TSC22D1: variants seen among roughly 807,000 people sequenced by gnomAD.
TSC22D1 encodes TSC22 domain family member 1.
In TSC22D1, 9 loss-of-function variants were observed where a neutral mutation model predicts 74.2. The observed-to-expected ratio is 0.12, with a 90% CI of 0.07 to 0.21. The LOEUF (loss-of-function observed/expected upper bound fraction) is 0.21, where lower values mean the gene tolerates loss of function less well. TSC22D1 is among the 10% of genes least tolerant of loss of function. The pLI is 1.00. For missense variants in TSC22D1, 1,427 were observed against 1,304.7 expected (o/e 1.09, Z -1.44); for synonymous variants, 586 against 492.5 (o/e 1.19, Z -2.51).
intron 1 of TSC22D1, among the ~76,000 whole-genome samples, chr13:44,475,755 T>C (rs1325676566): frequency 1.3e-5 from 2 of 152,200 alleles, no homozygotes; most frequent in Non-Finnish European, 2.9e-5. Context: ...TGAATAGTCC[T>C]ATATTGCCAT....
intron 1 of TSC22D1, among the ~76,000 whole-genome samples, chr13:44,503,695 TGAAACA>T (rs1879316760): frequency 6.6e-6 from 1 of 152,084 alleles, no homozygotes; most frequent in Non-Finnish European, 1.5e-5. Context: ...TAAAGACAAA[TGAAACA>T]GAAACAGAGG....
intron 1 of TSC22D1, chr13:44,538,652 T>C: frequency 1.0e-6 from 1 of 985,442 alleles, no homozygotes; most frequent in Non-Finnish European, 1.2e-6. Flanking sequence ...TATTTCATTA[T>C]TTGGGCCTTT....
rs943139836 is a variant in TSC22D1, at chr13:44,433,942, C to T, written c.*684G>A. 2 of 1,510,350 alleles carry T rather than the reference C, an allele frequency of 1.3e-6. No individual in the cohort carries two copies. Among genetic ancestry groups the T allele is most frequent in the Non-Finnish European group, 1.8e-6 (2 of 1,132,350 alleles). The allele number at this position is 1,510,350 out of a possible 1,614,324, so 93.6% of individuals were successfully genotyped here. On this transcript the variant is annotated 3_prime_UTR_variant, in exon 3 of 3. Coordinates refer to ENST00000458659, the MANE Select transcript of TSC22D1 (RefSeq NM_183422.4). ...TACAACCTAAATAGTAGTTACAGTC[C>T]TCTATTGTACAAAATAGTTACACTA... is the stretch of plus-strand genomic sequence containing the variant.
rs144495755 is a variant in TSC22D1, at chr13:44,563,002, G to C, written c.2912+10161C>G. On this transcript the variant is annotated intron_variant, in intron 1 of 2. Coordinates refer to ENST00000458659, the MANE Select transcript of TSC22D1 (RefSeq NM_183422.4). Reference sequence around the variant, plus strand: ...TTCCTGTAATCCCAGCTACTTGGGAGGCTAAGGCAGGAGAATCGATGAACC... The same window carrying C: ...TTCCTGTAATCCCAGCTACTTGGGACGCTAAGGCAGGAGAATCGATGAACC... 2.5e-4 allele frequency among the ~76,000 whole-genome samples: 38 copies of C among 152,136 alleles called. 1 individual carries two copies. In the East Asian group the frequency reaches 7.2e-3, roughly 29 times the overall value.
At chr13:44,438,633 CAAT>C (rs559315137) in intron 1 of TSC22D1, among the ~76,000 whole-genome samples, 105 of 151,938 alleles carry the variant, frequency 6.9e-4, no homozygotes, top group Non-Finnish European at 1.3e-3. Context: ...TTTTGAATAA[CAAT>C]AATTGTTAAC....
At position 44,474,552 on chromosome 13, in the gene TSC22D1, T is replaced by C. The variant is rs147642322; in HGVS notation, c.2913-38457A>G. 2.9e-3 allele frequency among the ~76,000 whole-genome samples: 440 copies of C among 152,318 alleles called. 2 individuals are homozygous for C. The highest frequency in any genetic ancestry group is 0.01 in the African/African-American group (427 of 41,576). ...AATAACATAAGACCTCTACAGATCA[T>C]TTCGTCTTGATCCCAAAATCAGGAA... On this transcript the variant is annotated intron_variant, in intron 1 of 2. Transcript: ENST00000458659.
chr13:44,573,174 G>C lies in TSC22D1; in HGVS notation c.2901C>G (p.Gly967=). ...TGACATGATCTTACCTCTCATCCTC[G>C]CCATCCACCAGGGGTGTCGTCAGCG... ...VLPLTTPLVD[G]EDESSSGASV... The change falls in exon 1 of 3, where the codon GGC becomes GGG. Residue 967 remains glycine (G), a synonymous_variant. Transcript: ENST00000458659. 2 of 1,613,610 alleles carry C rather than the reference G, an allele frequency of 1.2e-6. No homozygotes were observed. Among genetic ancestry groups the C allele is most frequent in the African/African-American group, 1.3e-5 (1 of 74,978 alleles).
intron 1 of TSC22D1, among the ~76,000 whole-genome samples, chr13:44,494,107 G>T (rs1239880842): frequency 6.6e-6 from 1 of 151,536 alleles, no homozygotes; most frequent in Non-Finnish European, 1.5e-5. Context: ...CAGGCATGGT[G>T]GCTCACACCT....
At chr13:44,533,467 TAA>T (rs111385787) in intron 1 of TSC22D1, among the ~76,000 whole-genome samples, 12 of 125,148 alleles carry the variant, frequency 9.6e-5, no homozygotes, top group Admixed American at 8.2e-5. Flanking sequence ...CAAATAAAAT[TAA>T]AAAAAAAAAA....
At position 44,575,018 on chromosome 13, in the gene TSC22D1, G is replaced by C. The variant is rs1350750845; in HGVS notation, c.1057C>G (p.Pro353Ala). 1.2e-6 allele frequency: 2 copies of C among 1,613,900 alleles called. No individual in the cohort carries two copies. The highest frequency in any genetic ancestry group is 3.3e-5 in the Admixed American group (2 of 59,988). ...ACATTAACACCACTGGTAACTCCAG[G>C]CCCAACACTCACACCAGCAGCACTA... ...IPSAAGVSVG[P>A]GVTSGVNVNI... Residue 353 changes from proline to alanine, a missense_variant, in exon 1 of 3, where the codon CCT (proline) becomes GCT (alanine). Coordinates refer to ENST00000458659, the MANE Select transcript of TSC22D1 (RefSeq NM_183422.4).
At chr13:44,456,148 C>G (rs374635872) in intron 1 of TSC22D1, among the ~76,000 whole-genome samples, 2 of 152,188 alleles carry the variant, frequency 1.3e-5, no homozygotes, top group Admixed American at 1.3e-4. Context: ...GTGAGTGTTA[C>G]AGCTCAGCTC....
rs185860225 is a variant in TSC22D1, at chr13:44,518,468, T to A, written c.2912+54695A>T. ...TATCTAAGATTGTACAATTATTTTA[T>A]TCAATAAAAGTTCAAAGATGTTGGA... On this transcript the variant is annotated intron_variant, in intron 1 of 2. Coordinates refer to ENST00000458659, the MANE Select transcript of TSC22D1 (RefSeq NM_183422.4). Among the ~76,000 whole-genome samples, 212 of 152,294 alleles carry A rather than the reference T, an allele frequency of 1.4e-3. 1 individual carries two copies. Among genetic ancestry groups the A allele is most frequent in the Non-Finnish European group, 2.6e-3 (176 of 68,022 alleles).
chr13:44,434,332 C>T lies in TSC22D1; in HGVS notation c.*294G>A. 3 of 1,380,260 alleles carry T rather than the reference C, an allele frequency of 2.2e-6. No individual in the cohort carries two copies. Among genetic ancestry groups the T allele is most frequent in the Non-Finnish European group, 2.8e-6 (3 of 1,076,938 alleles). The allele number at this position is 1,380,260 out of a possible 1,614,324, so 85.5% of individuals were successfully genotyped here. On this transcript the variant is annotated 3_prime_UTR_variant, in exon 3 of 3. Coordinates refer to ENST00000458659, the MANE Select transcript of TSC22D1 (RefSeq NM_183422.4). Reference sequence around the variant, plus strand: ...GAGCCGGAAGGGATGGAAAGGCACACAGCTCCTGAGCATGAATTAAACCAT... The same window carrying T: ...GAGCCGGAAGGGATGGAAAGGCACATAGCTCCTGAGCATGAATTAAACCAT...
rs772993751 is a variant in TSC22D1, at chr13:44,574,246, G to C, written c.1829C>G (p.Ala610Gly). 1.9e-6 allele frequency: 3 copies of C among 1,614,192 alleles called. No homozygotes were observed. The highest frequency in any genetic ancestry group is 2.2e-5 in the East Asian group (1 of 44,884). Residue 610 changes from alanine (A) to glycine (G), a missense_variant, in exon 1 of 3, where the codon GCG (alanine) becomes GGG (glycine). Around this residue, in one of 3 missense-constraint regions of TSC22D1, gnomAD observed 1,343 missense variants for 1,191.5 expected, o/e 1.13. Coordinates refer to ENST00000458659, the MANE Select transcript of TSC22D1 (RefSeq NM_183422.4). ...LAQPQLPYSQ[A>G]APPVQTPLPG... ...AAGGGGAGTTTGCACTGGAGGAGCC[G>C]CCTGAGAATATGGTAGCTGGGGTTG...
intron 1 of TSC22D1, among the ~76,000 whole-genome samples, chr13:44,443,299 T>C (rs1337146610): frequency 6.8e-6 from 1 of 146,752 alleles, no homozygotes; most frequent in Non-Finnish European, 1.5e-5. Context: ...AGCAACATCT[T>C]TAACTGAAAG....
At chr13:44,450,288 A>G (rs188567108) in intron 1 of TSC22D1, among the ~76,000 whole-genome samples, 8 of 150,302 alleles carry the variant, frequency 5.3e-5, no homozygotes, top group African/African-American at 1.7e-4. Flanking sequence ...GGAGTTTAGC[A>G]GTGGGAGTGA....
chr13:44,545,415 C>T (rs1262327326), intron 1 of TSC22D1, among the ~76,000 whole-genome samples: 4 of 151,952 alleles, frequency 2.6e-5, no homozygotes, highest in Non-Finnish European at 5.9e-5. Context: ...ATTAAAAAAA[C>T]CTTAGTAATT....
Position 44,573,602 on chromosome 13 carries a change from G to A in TSC22D1, c.2473C>T (p.Pro825Ser), listed in dbSNP as rs1883938685. The stretch of plus-strand genomic sequence containing the variant: ...GTAACAGAAATACTACTAGCAGAGG[G>A]CAAAGAACTAACTGCAGGCAACTGC... ...SQQLPAVSSL[P>S]SASSISVTSQ... Residue 825 changes from proline to serine, a missense_variant, in exon 1 of 3, where the codon CCC (proline) becomes TCC (serine). Coordinates refer to ENST00000458659, the MANE Select transcript of TSC22D1 (RefSeq NM_183422.4). 6.8e-6 allele frequency: 11 copies of A among 1,614,232 alleles called. No individual in the cohort carries two copies. In the Middle Eastern group the frequency reaches 4.9e-4, roughly 73 times the overall value.
chr13:44,518,241 T>G (rs1382041603), intron 1 of TSC22D1, among the ~76,000 whole-genome samples: 2 of 151,932 alleles, frequency 1.3e-5, no homozygotes. Flanking sequence ...GTTAAACATC[T>G]CAGAAGTGCT....
Sources: allele counts gnomAD v4.1 joint callset (sites outside exome capture counted in the v4.1 genomes callset), GRCh38; gene constraint gnomAD v4.1.1; regional missense constraint gnomAD v4.1.1; transcripts MANE v1.5; gene names NCBI Gene and HGNC (gene_info 2026-07-23, HGNC 2026-07-21).